The following CCDC183 variants were observed in gnomAD, a reference collection of about 807,000 sequenced individuals.
CCDC183 encodes coiled-coil domain-containing protein 183.
A neutral mutation model predicts 65.2 loss-of-function variants in CCDC183; 63 were observed. That is an observed-to-expected ratio of 0.97 (90% CI 0.79 to 1.19). The LOEUF is 1.19. CCDC183 is among the 50% of genes most tolerant of loss of function. The probability of loss-of-function intolerance (pLI) is 0.00; values close to 1 mark genes in which losing one functional copy is unlikely to be tolerated. For synonymous variants in CCDC183, 323 were observed against 276.5 expected, an observed-to-expected ratio of 1.17 and a Z score of -1.67; for missense variants, 769 against 689.3, an observed-to-expected ratio of 1.12 and a Z score of -1.30.
chr9:136,803,905 G>C (rs1029805611), intron 6 of CCDC183: 2 of 155,612 alleles, frequency 1.3e-5, no homozygotes, highest in Non-Finnish European at 2.8e-5. Context: ...AGGAGGTGGA[G>C]GAAAGATGTG....
In CCDC183 at chr9:136,807,616, C is replaced by A. The variant is rs1847887620; in HGVS notation, c.1531C>A (p.Arg511Ser). ...PDMDHSYVPS[R>S]AEIKRQAQRL... ...CATGGACCACAGCTACGTCCCTTCGCGCGCCGAGATCAAGAGGCAGGCGCA... is the reference window on the plus strand; with the variant it reads ...CATGGACCACAGCTACGTCCCTTCGAGCGCCGAGATCAAGAGGCAGGCGCA... Residue 511 changes from arginine (R) to serine (S), a missense_variant, in exon 14 of 14, where the codon CGC becomes AGC. Arg to Ser is a moderately radical substitution (Grantham distance 110). Coordinates refer to ENST00000338005, the MANE Select transcript of CCDC183 (RefSeq NM_001039374.5). 6.2e-7 allele frequency: 1 copy of A among 1,604,672 alleles called. No homozygotes were observed. The highest frequency in any genetic ancestry group is 2.3e-5 in the East Asian group (1 of 44,140).
intron 4 of CCDC183, 83 bp downstream of exon 4, chr9:136,800,252 C>A: frequency 7.7e-7 from 1 of 1,299,630 alleles, no homozygotes; most frequent in South Asian, 1.4e-5. Context: ...GGGGGCGGGA[C>A]TTGCGGGTCC....
chr9:136,804,821 G>A lies in CCDC183; in HGVS notation c.847+5G>A. 6.2e-7 allele frequency: 1 copy of A among 1,613,572 alleles called. No individual in the cohort carries two copies. Among genetic ancestry groups the A allele is most frequent in the Non-Finnish European group, 8.5e-7 (1 of 1,179,792 alleles). On this transcript the variant is annotated splice_donor_5th_base_variant and intron_variant, in intron 8 of 13. Transcript: ENST00000338005. The surrounding 1 kb of genome is among the most constrained non-coding windows in gnomAD (Gnocchi z 4.1). ...TGAGCACGGAGACCCTGAAATGTAA[G>A]CGCTCAGCTCCCCACCTGCCCCCAG...
At chr9:136,805,590 A>G in intron 9 of CCDC183, 133 bp downstream of exon 9, 1 of 712,364 alleles carries the variant, frequency 1.4e-6, no homozygotes. Flanking sequence ...GCACTCTGAA[A>G]TGGACACACA....
At chr9:136,806,400 C>A in intron 10 of CCDC183, 104 bp from the exon 11 acceptor site, 1 of 1,497,186 alleles carries the variant, frequency 6.7e-7, no homozygotes, top group Non-Finnish European at 9.1e-7. Flanking sequence ...CTTCTGAGTC[C>A]CTGATTCTGG....
intron 6 of CCDC183, among the ~76,000 whole-genome samples, chr9:136,803,537 A>G (rs1847786001): frequency 1.3e-5 from 2 of 152,150 alleles, no homozygotes; most frequent in African/African-American, 4.8e-5. Flanking sequence ...GGCTCTGGGG[A>G]TACAGCAGGG....
In CCDC183 at chr9:136,799,571, G is replaced by A. The variant is rs1847704049; in HGVS notation, c.193-142G>A. ...TTGGATGGCCAGGATGGGGTCCCGC[G>A]GCTCTCTGCTCCTCGTGGAAGCAGG... On this transcript the variant is annotated intron_variant, in intron 2 of 13. Transcript: ENST00000338005. The A allele has an allele frequency of 6.6e-6, 5 of 762,106 alleles. 1 individual carries two copies. The highest frequency in any genetic ancestry group is 3.4e-5 in the South Asian group (2 of 58,112). The allele number at this position is 762,106 out of a possible 1,614,324, so 47.2% of individuals were successfully genotyped here.
At chr9:136,805,660 C>A (rs146913980) in intron 9 of CCDC183, 2 of 574,592 alleles carry the variant, frequency 3.5e-6, no homozygotes, top group African/African-American at 1.9e-5. Context: ...TGTGTATCTG[C>A]GTTTATTATT....
rs1370078541 is a variant in CCDC183, at chr9:136,807,057, G to T, written c.1477G>T (p.Asp493Tyr). ...TRISFENREE[D>Y]MIDTFQFPDM... ...GATCAGCTTTGAGAACCGGGAGGAG[G>T]ATATGATCGGTACAGGCCCCGGAAC... The change falls in exon 13 of 14, where the codon GAT becomes TAT. Residue 493 changes from aspartate to tyrosine, a missense_variant. Asp to Tyr is a radical substitution (Grantham distance 160). Coordinates refer to ENST00000338005, the MANE Select transcript of CCDC183 (RefSeq NM_001039374.5). The T allele has an allele frequency of 1.9e-6, 3 of 1,613,160 alleles. No homozygotes were observed. The highest frequency in any genetic ancestry group is 3.3e-5 in the Admixed American group (2 of 60,028).
In CCDC183 at chr9:136,804,559, C is replaced by G; in HGVS notation, c.724C>G (p.Arg242Gly). The stretch of plus-strand genomic sequence containing the variant: ...CGAGGAGCGCCGGGCAAGGGAGAAC[C>G]GGCTCAACCAGCAGAAGAAGCTGAT... ...FIEERRARENRLNQQKKLIDK... is the reference protein window; with the variant it reads ...FIEERRARENGLNQQKKLIDK... Residue 242 changes from arginine (R) to glycine (G), a missense_variant, in exon 7 of 14, where the codon CGG becomes GGG. Arg to Gly is a moderately radical substitution (Grantham distance 125, BLOSUM62 -2). Coordinates refer to ENST00000338005, the MANE Select transcript of CCDC183 (RefSeq NM_001039374.5). This position sits in a 1 kb window ranked among gnomAD's most constrained non-coding sequence, Gnocchi z 4.1. 6.2e-7 allele frequency: 1 copy of G among 1,613,594 alleles called. No homozygotes were observed. Among genetic ancestry groups the G allele is most frequent in the Non-Finnish European group, 8.5e-7 (1 of 1,179,934 alleles).
At position 136,806,793 on chromosome 9, in the gene CCDC183, A is replaced by G; in HGVS notation, c.1315A>G (p.Ser439Gly). 6.2e-7 allele frequency: 1 copy of G among 1,613,616 alleles called. No homozygotes were observed. Among genetic ancestry groups the G allele is most frequent in the Non-Finnish European group, 8.5e-7 (1 of 1,180,014 alleles). Residue 439 changes from serine to glycine, a missense_variant, in exon 12 of 14, where the codon AGC becomes GGC. Physicochemically the swap from Ser to Gly is moderately conservative, Grantham distance 56 (BLOSUM62 0). Transcript: ENST00000338005. Reference protein sequence around the residue: ...VVLSNTLDLNSKLAYCEGKLT... With the variant: ...VVLSNTLDLNGKLAYCEGKLT... ...GCTCTCCAACACCCTCGATTTGAAC[A>G]GCAAGCTGGCGTACTGCGAGGGGAA...
rs371399315 is a variant in CCDC183 at position 136,805,467 on chromosome 9, C to T, written c.948+10C>T. ...GTGCTCTCACGTCTGGGTAATGCCC[C>T]TGGCGCTCCCAGAGAATGGCAGGAG... is the stretch of plus-strand genomic sequence containing the variant. On this transcript the variant is annotated intron_variant, in intron 9 of 13. Transcript: ENST00000338005. 3 of 1,611,260 alleles carry T rather than the reference C, an allele frequency of 1.9e-6. No individual in the cohort carries two copies. Among genetic ancestry groups the T allele is most frequent in the Non-Finnish European group, 2.5e-6 (3 of 1,177,988 alleles).
rs1333985497 is a variant in CCDC183, at chr9:136,796,439, G to A, written c.42G>A (p.Gln14=). 2 of 1,579,392 alleles carry A rather than the reference G, an allele frequency of 1.3e-6. No individual in the cohort carries two copies. The highest frequency in any genetic ancestry group is 1.9e-5 in the Admixed American group (1 of 53,942). The change falls in exon 1 of 14, where the codon CAG becomes CAA. Residue 14 remains glutamine, a synonymous_variant. Transcript: ENST00000338005. ...HSETDVEEQT[Q]ELKTITQLQE... ...AGACAGATGTGGAAGAGCAGACCCA[G>A]GAGCTGAAGACCATCACTCAGCTCC... is the stretch of plus-strand genomic sequence containing the variant.
Position 136,800,512 on chromosome 9 carries a change from G to T in CCDC183, c.543+19G>T. The T allele has an allele frequency of 6.4e-7, 1 of 1,553,402 alleles. No individual in the cohort carries two copies. Among genetic ancestry groups the T allele is most frequent in the Non-Finnish European group, 8.8e-7 (1 of 1,132,364 alleles). On this transcript the variant is annotated intron_variant, in intron 5 of 13. Coordinates refer to ENST00000338005, the MANE Select transcript of CCDC183 (RefSeq NM_001039374.5). ...GAAGACAGTGAGCCCAGCGGCCCGG[G>T]AAGGGCGGGGGTCAGGGGCTGGGAT...
At chr9:136,799,374 C>A in intron 2 of CCDC183, 151 bp downstream of exon 2, 1 of 1,263,032 alleles carries the variant, frequency 7.9e-7, no homozygotes, top group Non-Finnish European at 1.1e-6. Flanking sequence ...AGGACCTGTG[C>A]CCTGGGCTCC....
Position 136,799,656 on chromosome 9 carries a change from C to G in CCDC183, c.193-57C>G. ...GCCCTGGGGAGAATGCCTGGAGGAG[C>G]CAGCGGCTGCGGGTGCGCAAAGGGC... On this transcript the variant is annotated intron_variant, in intron 2 of 13. Coordinates refer to ENST00000338005, the MANE Select transcript of CCDC183 (RefSeq NM_001039374.5). 2.7e-6 allele frequency: 4 copies of G among 1,482,506 alleles called. No individual in the cohort carries two copies. The South Asian group carries it at 4.6e-5, about 17-fold the overall frequency. The allele number at this position is 1,482,506 out of a possible 1,614,324, so 91.8% of individuals were successfully genotyped here. A position where few individuals can be genotyped will look rare whatever the true frequency, so the allele number is the denominator to read the frequency against.
At chr9:136,803,337 C>G (rs190185110) in intron 6 of CCDC183, among the ~76,000 whole-genome samples, 1 of 152,152 alleles carries the variant, frequency 6.6e-6, no homozygotes, top group Non-Finnish European at 1.5e-5. Flanking sequence ...TCTCAGGAGA[C>G]CCCCATGCCC....
At chr9:136,799,939 G>C (rs565205748) in intron 3 of CCDC183, 63 bp from the exon 4 acceptor site, 13 of 1,540,506 alleles carry the variant, frequency 8.4e-6, no homozygotes, top group African/African-American at 5.5e-5. Flanking sequence ...CCGCCCGCCT[G>C]CTGGCGGGCT....
At position 136,806,141 on chromosome 9, in the gene CCDC183, G is replaced by A. The variant is rs762222241; in HGVS notation, c.1012G>A (p.Asp338Asn). 6 of 1,561,084 alleles carry A rather than the reference G, an allele frequency of 3.8e-6. No homozygotes were observed. In the South Asian group the frequency reaches 7.1e-5, roughly 18 times the overall value. ...TEENLELQME[D>N]CEEWRVQLKA... ...GGAGAACCTGGAGCTGCAGATGGAG[G>A]ACTGTGAGGAGTGGCGGGTGCAGCT... Residue 338 changes from aspartate (D) to asparagine (N), a missense_variant, in exon 10 of 14, where the codon GAC becomes AAC. Asp to Asn is a conservative substitution (Grantham distance 23). Coordinates refer to ENST00000338005, the MANE Select transcript of CCDC183 (RefSeq NM_001039374.5).
Sources: allele counts gnomAD v4.1 joint callset (sites outside exome capture counted in the v4.1 genomes callset), GRCh38; gene constraint gnomAD v4.1.1; non-coding constraint Gnocchi (gnomAD v3.1); transcripts MANE v1.5; gene names NCBI Gene and HGNC (gene_info 2026-07-23, HGNC 2026-07-21).